The following GOPC variants were observed in gnomAD, a reference collection of about 807,000 sequenced individuals.
The protein encoded by GOPC is golgi associated PDZ and coiled-coil motif containing.
In GOPC, 32 loss-of-function variants were observed where a neutral mutation model predicts 51.2. That is an observed-to-expected ratio of 0.63 (90% CI 0.47 to 0.84). The LOEUF (loss-of-function observed/expected upper bound fraction) is 0.84, where lower values mean the gene tolerates loss of function less well. GOPC is among the 40% of genes least tolerant of loss of function. The pLI is 0.00. For missense variants in GOPC, 441 were observed against 555.5 expected (o/e 0.79, Z 2.07); for synonymous variants, 190 against 205.1 (o/e 0.93, Z 0.63).
intron 1 of GOPC, among the ~76,000 whole-genome samples, chr6:117,596,545 A>T (rs571185962): frequency 9.2e-5 from 14 of 152,212 alleles, no homozygotes; most frequent in African/African-American, 3.1e-4. Context: ...TAAGTCTTTG[A>T]TCCATCTTGA....
Position 117,563,261 on chromosome 6 carries a change from G to A in GOPC, c.1382C>T (p.Ser461Phe), listed in dbSNP as rs1016663215. ...TCTGGAGATATGGTCAATTTAATAAGATTTTTTATGATACAGAGTGTGCAG... is the reference window on the plus strand; with the variant it reads ...TCTGGAGATATGGTCAATTTAATAAAATTTTTTATGATACAGAGTGTGCAG... ...DDLHTLYHKKSY is the reference protein window; with the variant it reads ...DDLHTLYHKKFY The change falls in exon 9 of 9, where the codon TCT (serine) becomes TTT (phenylalanine). Residue 461 changes from serine (S) to phenylalanine (F), a missense_variant. Physicochemically the swap from Ser to Phe is radical, Grantham distance 155. Around this residue, in one of 3 missense-constraint regions of GOPC, gnomAD observed 71 missense variants for 68.8 expected, o/e 1.03. Transcript: ENST00000368498. The A allele has an allele frequency of 2.5e-6, 4 of 1,612,610 alleles. No individual in the cohort carries two copies. The African/African-American group carries it at 5.3e-5, about 22-fold the overall frequency.
In GOPC at chr6:117,602,482, C is replaced by G; in HGVS notation, c.-194G>C. On this transcript the variant is annotated 5_prime_UTR_variant, in exon 1 of 9. Coordinates refer to ENST00000368498, the MANE Select transcript of GOPC (RefSeq NM_020399.4). Reference sequence around the variant, plus strand: ...GAGGCTGAAGCTGAGGCGGCAACGGCGGCGACACACGGAAGACTCAGTCAG... The same window carrying G: ...GAGGCTGAAGCTGAGGCGGCAACGGGGGCGACACACGGAAGACTCAGTCAG... 1 of 599,806 alleles carries G rather than the reference C, an allele frequency of 1.7e-6. No homozygotes were observed. The highest frequency in any genetic ancestry group is 2.9e-6 in the Non-Finnish European group (1 of 340,544). The allele number at this position is 599,806 out of a possible 1,614,324, so 37.2% of individuals were successfully genotyped here. A position where few individuals can be genotyped will look rare whatever the true frequency, so the allele number is the denominator to read the frequency against.
At chr6:117,582,226 C>A (rs1244909578) in intron 1 of GOPC, among the ~76,000 whole-genome samples, 2 of 147,472 alleles carry the variant, frequency 1.4e-5, no homozygotes, top group East Asian at 2.0e-4. Context: ...TTTGTAAGTT[C>A]TCTCTCTCTC....
intron 1 of GOPC, among the ~76,000 whole-genome samples, chr6:117,580,984 T>C (rs1340202021): frequency 6.6e-6 from 1 of 152,070 alleles, no homozygotes; most frequent in Non-Finnish European, 1.5e-5. Flanking sequence ...AATGAAGCCA[T>C]TGATGGAAAC....
intron 3 of GOPC, 123 bp from the exon 4 acceptor site, chr6:117,575,475 C>T (rs1470742859): frequency 1.2e-6 from 1 of 815,794 alleles, no homozygotes. Context: ...AAATGGAACA[C>T]AAAGATCTGG....
intron 1 of GOPC, among the ~76,000 whole-genome samples, chr6:117,594,065 C>T (rs1780157467): frequency 6.6e-6 from 1 of 152,184 alleles, no homozygotes; most frequent in Admixed American, 6.5e-5. Context: ...AGGCTACGAA[C>T]TGGTTTAAAA....
chr6:117,564,796 C>T (rs12194183), intron 8 of GOPC, among the ~76,000 whole-genome samples: 34,742 of 152,048 alleles, frequency 0.23, 4,661 homozygotes, highest in South Asian at 0.4. Context: ...GAGAGCAGCC[C>T]AACAATTAAG....
At chr6:117,585,932 A>G (rs1780025979) in intron 1 of GOPC, among the ~76,000 whole-genome samples, 1 of 152,236 alleles carries the variant, frequency 6.6e-6, no homozygotes. Context: ...TTGACTCCAC[A>G]TGGCAATTTA....
Position 117,593,339 on chromosome 6 carries a change from A to G in GOPC, c.285+8665T>C, listed in dbSNP as rs144403001. The stretch of plus-strand genomic sequence containing the variant: ...TCTTCTAAGTAGCTGTTATTACAAA[A>G]TCTTACTAATATTAACTACCCCACT... On this transcript the variant is annotated intron_variant, in intron 1 of 8. Coordinates refer to ENST00000368498, the MANE Select transcript of GOPC (RefSeq NM_020399.4). Among the ~76,000 whole-genome samples the G allele has an allele frequency of 6.9e-3, 1,049 of 152,234 alleles. 17 individuals carry two copies. The highest frequency in any genetic ancestry group is 0.023 in the African/African-American group (969 of 41,520).
intron 4 of GOPC, 60 bp from the exon 5 acceptor site, chr6:117,573,692 G>A (rs1414389237): frequency 4.3e-6 from 6 of 1,379,840 alleles, no homozygotes; most frequent in East Asian, 4.9e-5. Flanking sequence ...TGAGAATTCA[G>A]GAAAATTAGT....
intron 4 of GOPC, among the ~76,000 whole-genome samples, chr6:117,574,921 A>C (rs549038979): frequency 3.2e-4 from 48 of 152,120 alleles, no homozygotes; most frequent in Non-Finnish European, 4.1e-4. Flanking sequence ...TCTACTAAAA[A>C]TACAAAATTT....
intron 3 of GOPC, among the ~76,000 whole-genome samples, chr6:117,577,228 A>C (rs969783114): frequency 6.6e-6 from 1 of 152,128 alleles, no homozygotes; most frequent in Non-Finnish European, 1.5e-5. Context: ...CTCTGCAAAT[A>C]ATGGCTATAA....
intron 1 of GOPC, 97 bp from the exon 2 acceptor site, chr6:117,579,161 T>G: frequency 1.1e-6 from 1 of 900,850 alleles, no homozygotes; most frequent in East Asian, 2.7e-5. Context: ...AGACTACCTT[T>G]GAAATAAATA....
At chr6:117,566,353 TA>T (rs1189542806) in intron 8 of GOPC, among the ~76,000 whole-genome samples, 1 of 152,178 alleles carries the variant, frequency 6.6e-6, no homozygotes, top group African/African-American at 2.4e-5. Flanking sequence ...AAGGAAGTGC[TA>T]GAGTTTTTCC....
chr6:117,602,173 T>C lies in GOPC; in HGVS notation c.116A>G (p.Lys39Arg). The C allele has an allele frequency of 6.2e-7, 1 of 1,613,526 alleles. No individual in the cohort carries two copies. The highest frequency in any genetic ancestry group is 8.5e-7 in the Non-Finnish European group (1 of 1,179,994). Residue 39 changes from lysine to arginine, a missense_variant, in exon 1 of 9, where the codon AAG (lysine) becomes AGG (arginine). Physicochemically the swap from Lys to Arg is conservative, Grantham distance 26 (BLOSUM62 2). This residue lies in a region of GOPC where 204 missense variants were observed against 219.8 expected (regional missense o/e 0.93). Coordinates refer to ENST00000368498, the MANE Select transcript of GOPC (RefSeq NM_020399.4). ...ATCCACAAAAGCTTTGTCGAACTCC[T>C]TCTCCAGCACCTCCAGCCACCGGAA... The part of the protein sequence containing the change: ...SMFRWLEVLE[K>R]EFDKAFVDVD...
intron 8 of GOPC, among the ~76,000 whole-genome samples, chr6:117,566,052 G>T (rs187892397): frequency 2.0e-5 from 3 of 152,124 alleles, no homozygotes; most frequent in Admixed American, 2.0e-4. Context: ...AAGCAAAATT[G>T]GTATCTTCTT....
chr6:117,598,356 G>C (rs1771918320), intron 1 of GOPC, among the ~76,000 whole-genome samples: 1 of 151,986 alleles, frequency 6.6e-6, no homozygotes, highest in Admixed American at 6.6e-5. Context: ...CTGGGTAACA[G>C]AGTGAGGCCC....
At chr6:117,600,042 T>C (rs1262621076) in intron 1 of GOPC, among the ~76,000 whole-genome samples, 1 of 152,224 alleles carries the variant, frequency 6.6e-6, no homozygotes, top group Non-Finnish European at 1.5e-5. Context: ...CTGTTTCTTA[T>C]AACAGAATAC....
chr6:117,591,601 T>C (rs978165068), intron 1 of GOPC, among the ~76,000 whole-genome samples: 1 of 152,192 alleles, frequency 6.6e-6, no homozygotes, highest in Non-Finnish European at 1.5e-5. Flanking sequence ...TGTTTGATAC[T>C]GTAGACAAAG....
Sources: gnomAD v4.1 joint callset for allele counts (sites outside exome capture counted in the v4.1 genomes callset) on GRCh38, gnomAD v4.1.1 for gene constraint, gnomAD v4.1.1 regional missense constraint, MANE v1.5 for transcripts, NCBI Gene and HGNC (gene_info 2026-07-23, HGNC 2026-07-21) for gene names.